PNLIPRP3: variants seen among roughly 807,000 people sequenced by gnomAD.
PNLIPRP3 encodes pancreatic lipase-related protein 3.
PNLIPRP3 carries 58 observed loss-of-function variants against 52.8 expected under a neutral mutation model. The ratio of observed to expected loss-of-function variants is 1.10; its 90% CI spans 0.89 to 1.37. The LOEUF (loss-of-function observed/expected upper bound fraction) is 1.37, where lower values mean the gene tolerates loss of function less well. Among genes scored for constraint, PNLIPRP3 ranks in the 40% most tolerant of loss-of-function variants. The pLI is 0.00. For missense variants in PNLIPRP3, 593 were observed against 561.6 expected (o/e 1.06, Z -0.57); for synonymous variants, 192 against 185.0 (o/e 1.04, Z -0.31).
At chr10:116,473,597 C>T (rs1331118654) in intron 10 of PNLIPRP3, among the ~76,000 whole-genome samples, 3 of 152,132 alleles carry the variant, frequency 2.0e-5, no homozygotes, top group Admixed American at 6.6e-5. Context: ...TCTCACCTCA[C>T]TGCAACTTCC....
chr10:116,447,575 G>A (rs1845970916), intron 4 of PNLIPRP3, among the ~76,000 whole-genome samples: 1 of 152,038 alleles, frequency 6.6e-6, no homozygotes, highest in Admixed American at 6.6e-5. Context: ...CATGAACAAA[G>A]TGACAATTTC....
intron 4 of PNLIPRP3, among the ~76,000 whole-genome samples, chr10:116,448,223 TA>T (rs1343829954): frequency 1.3e-5 from 2 of 152,080 alleles, no homozygotes; most frequent in Non-Finnish European, 2.9e-5. Context: ...TAACTAAAAA[TA>T]TGTTAATGGA....
chr10:116,449,014 T>TA (rs1845996992), intron 4 of PNLIPRP3, among the ~76,000 whole-genome samples: 1 of 18,134 alleles, frequency 5.5e-5, no homozygotes, highest in African/African-American at 1.0e-4. Context: ...AGACTCCATC[T>TA]CAAAAAAAAA....
At chr10:116,440,866 G>T (rs1483341091) in intron 2 of PNLIPRP3, among the ~76,000 whole-genome samples, 1 of 152,112 alleles carries the variant, frequency 6.6e-6, no homozygotes, top group Admixed American at 6.5e-5. Flanking sequence ...TACCTAACTG[G>T]TAACTATTTT....
chr10:116,466,183 T>G lies in PNLIPRP3; in HGVS notation c.927+15T>G, dbSNP rs1243580539. 5 of 1,535,990 alleles carry G rather than the reference T, an allele frequency of 3.3e-6. No homozygotes were observed. Among genetic ancestry groups the G allele is most frequent in the African/African-American group, 2.7e-5 (2 of 72,770 alleles). On this transcript the variant is annotated intron_variant, in intron 8 of 11. Coordinates refer to ENST00000369230, the MANE Select transcript of PNLIPRP3 (RefSeq NM_001011709.3). ...CTTTTAAAGCAGTAAGTAAATCATC[T>G]TACTTGGAATTTAATTATAAAGTAA...
intron 1 of PNLIPRP3, among the ~76,000 whole-genome samples, chr10:116,428,336 A>G (rs1845666044): frequency 6.6e-6 from 1 of 152,160 alleles, no homozygotes. Context: ...CCAACAATAT[A>G]AAAGAGTTGC....
At chr10:116,441,094 T>C (rs1222028501) in intron 2 of PNLIPRP3, among the ~76,000 whole-genome samples, 2 of 152,176 alleles carry the variant, frequency 1.3e-5, no homozygotes, top group Non-Finnish European at 2.9e-5. Context: ...CTGTCTTCTT[T>C]TGATCCCATG....
rs763997153 is a variant in PNLIPRP3 at position 116,471,874 on chromosome 10, T to G, written c.1167T>G (p.Ile389Met). The G allele has an allele frequency of 2.9e-5, 46 of 1,571,776 alleles. No individual in the cohort carries two copies. The highest frequency in any genetic ancestry group is 1.2e-4 in the Admixed American group (7 of 59,484). ...TTAGGAAAACTGGGGAGTTTGCCAT[T>G]GTCAGGTAGGCAGAGTGAGAAACTG... ...GAVRKTGEFA[I>M]VSGKLEPGMT... The change falls in exon 10 of 12, where the codon ATT becomes ATG. Residue 389 changes from isoleucine (I) to methionine (M), a missense_variant. Coordinates refer to ENST00000369230, the MANE Select transcript of PNLIPRP3 (RefSeq NM_001011709.3).
At chr10:116,429,359 C>A (rs961883500) in intron 1 of PNLIPRP3, among the ~76,000 whole-genome samples, 1 of 152,070 alleles carries the variant, frequency 6.6e-6, no homozygotes, top group African/African-American at 2.4e-5. Context: ...TGGTCCCAAG[C>A]GTTTTGGATA....
chr10:116,477,118 G>T lies in PNLIPRP3; in HGVS notation c.1369G>T (p.Gly457Ter). The change falls in exon 12 of 12, where the codon GGA becomes TGA. Residue 457 changes from glycine to a stop codon, truncating the protein, a stop_gained. Coordinates refer to ENST00000369230, the MANE Select transcript of PNLIPRP3 (RefSeq NM_001011709.3). LOFTEE classifies it high-confidence loss of function. ...TACCTTCTGTAGCCAAGACATTATG[G>T]GACCTAATATTCTCCAGAACCTGAA... ...KSTFCSQDIM[G>*]PNILQNLKPC is the part of the protein sequence containing the mutation. 1 of 1,598,066 alleles carries T rather than the reference G, an allele frequency of 6.3e-7. No homozygotes were observed.
chr10:116,443,797 G>GTATATA (rs1285693314), intron 3 of PNLIPRP3, among the ~76,000 whole-genome samples: 1 of 120,148 alleles, frequency 8.3e-6, no homozygotes, highest in Non-Finnish European at 1.6e-5. Context: ...ATGTATGTGT[G>GTATATA]TGTGCATATA....
Position 116,442,020 on chromosome 10 carries a change from A to T in PNLIPRP3, c.205-1035A>T, listed in dbSNP as rs562362269. On this transcript the variant is annotated intron_variant, in intron 2 of 11. Coordinates refer to ENST00000369230, the MANE Select transcript of PNLIPRP3 (RefSeq NM_001011709.3). ...ATGATTAATTGCATTACTATTAAAC[A>T]CAGGTAGCCAGAAATAGGCTCTTTG... Among the ~76,000 whole-genome samples, 14 of 152,354 alleles carry T rather than the reference A, an allele frequency of 9.2e-5. No homozygotes were observed. The South Asian group carries it at 2.7e-3, about 29-fold the overall frequency.
At chr10:116,429,162 A>G (rs372584239) in intron 1 of PNLIPRP3, among the ~76,000 whole-genome samples, 51 of 152,294 alleles carry the variant, frequency 3.3e-4, no homozygotes, top group African/African-American at 1.2e-3. Context: ...TTTCACATAC[A>G]AATACTTAAA....
At chr10:116,464,995 G>C (rs117321115) in intron 7 of PNLIPRP3, among the ~76,000 whole-genome samples, 1 of 152,182 alleles carries the variant, frequency 6.6e-6, no homozygotes, top group South Asian at 2.1e-4. Flanking sequence ...CTTGTCCCAC[G>C]TCCAGGAAGA....
intron 8 of PNLIPRP3, among the ~76,000 whole-genome samples, chr10:116,468,371 T>G (rs576848950): frequency 2.0e-5 from 3 of 152,142 alleles, no homozygotes; most frequent in Non-Finnish European, 4.4e-5. Context: ...CATGACCACA[T>G]AGCCAAAACC....
At chr10:116,447,733 C>T (rs1445008218) in intron 4 of PNLIPRP3, among the ~76,000 whole-genome samples, 12 of 152,080 alleles carry the variant, frequency 7.9e-5, no homozygotes, top group Admixed American at 6.6e-5. Context: ...GTCAGGAAGT[C>T]GAGACCAACC....
chr10:116,452,648 C>G (rs1846055379), intron 4 of PNLIPRP3, among the ~76,000 whole-genome samples: 1 of 152,214 alleles, frequency 6.6e-6, no homozygotes, highest in Non-Finnish European at 1.5e-5. Context: ...TCAGGCTCCA[C>G]CCTCAGCAAC....
At chr10:116,444,207 C>A (rs1011403086) in intron 3 of PNLIPRP3, among the ~76,000 whole-genome samples, 175 bp from the exon 4 acceptor site, 1 of 152,016 alleles carries the variant, frequency 6.6e-6, no homozygotes, top group African/African-American at 2.4e-5. Context: ...TCCTTTGAGA[C>A]GTGCAGATTA....
In PNLIPRP3 at chr10:116,471,776, C is replaced by A. The variant is rs759329108; in HGVS notation, c.1069C>A (p.His357Asn). 1 of 1,606,868 alleles carries A rather than the reference C, an allele frequency of 6.2e-7. No individual in the cohort carries two copies. The highest frequency in any genetic ancestry group is 1.3e-5 in the African/African-American group (1 of 74,658). ...TGTTTCCTTATATCTAGGTTGGAGG[C>A]ACAAATTGTCTGTTAAACTCAGTGG... ...GSLSPFARWR[H>N]KLSVKLSGSE... The change falls in exon 10 of 12, where the codon CAC becomes AAC. Residue 357 changes from histidine to asparagine, a missense_variant. Coordinates refer to ENST00000369230, the MANE Select transcript of PNLIPRP3 (RefSeq NM_001011709.3).
Sources: gnomAD v4.1 joint callset for allele counts (sites outside exome capture counted in the v4.1 genomes callset) on GRCh38, gnomAD v4.1.1 for gene constraint, MANE v1.5 for transcripts, NCBI Gene and HGNC (gene_info 2026-07-23, HGNC 2026-07-21) for gene names.